The following CCDC171 variants were observed in gnomAD, a reference collection of about 807,000 sequenced individuals.
The protein encoded by CCDC171 is coiled-coil domain-containing protein 171.
CCDC171 carries 177 observed loss-of-function variants against 168.2 expected under a neutral mutation model. The ratio of observed to expected loss-of-function variants is 1.05; its 90% CI spans 0.93 to 1.19. The LOEUF (loss-of-function observed/expected upper bound fraction) is 1.19, where lower values mean the gene tolerates loss of function less well. Among genes scored for constraint, CCDC171 ranks in the 50% most tolerant of loss-of-function variants. The pLI is 0.00. For missense variants in CCDC171, 1,991 were observed against 1,539.0 expected (o/e 1.29, Z -4.91); for synonymous variants, 687 against 540.8 (o/e 1.27, Z -3.75).
chr9:16,075,880 T>C, the CCDC171 span, among the ~76,000 whole-genome samples: 42,409 of 150,586 alleles, frequency 0.28, 6,687 homozygotes, highest in African/African-American at 0.43. Flanking sequence ...CAGCACAGCA[T>C]AGCATAGCAT....
intron 16 of CCDC171, among the ~76,000 whole-genome samples, chr9:15,736,928 A>G (rs140062029): frequency 7.4e-4 from 112 of 152,252 alleles, no homozygotes; most frequent in African/African-American, 2.5e-3. Flanking sequence ...TGCTGGGATT[A>G]CAGGTGTGAA....
intron 6 of CCDC171, among the ~76,000 whole-genome samples, chr9:15,601,836 T>C (rs1405815073): frequency 6.6e-6 from 1 of 152,182 alleles, no homozygotes; most frequent in Admixed American, 6.5e-5. Context: ...TTCTAAACAC[T>C]CAGCCAGAGG....
chr9:15,618,299 C>A (rs1002004657), intron 6 of CCDC171, among the ~76,000 whole-genome samples: 3 of 152,190 alleles, frequency 2.0e-5, no homozygotes, highest in African/African-American at 2.4e-5. Context: ...GTCCAAACCT[C>A]CCAGTCTCCT....
intron 11 of CCDC171, among the ~76,000 whole-genome samples, chr9:15,718,239 G>T (rs2134138859): frequency 6.6e-6 from 1 of 152,248 alleles, no homozygotes; most frequent in Non-Finnish European, 1.5e-5. Context: ...CAGGGGGAGA[G>T]ACTCCTCTGC....
At chr9:15,809,518 T>C (rs550204682) in intron 21 of CCDC171, among the ~76,000 whole-genome samples, 8 of 152,232 alleles carry the variant, frequency 5.3e-5, no homozygotes, top group African/African-American at 1.7e-4. Flanking sequence ...TTGGAGTTCT[T>C]TTCCTTCTGG....
At chr9:15,682,492 A>C (rs2050106981) in intron 10 of CCDC171, among the ~76,000 whole-genome samples, 1 of 152,042 alleles carries the variant, frequency 6.6e-6, no homozygotes, top group South Asian at 2.1e-4. Context: ...AATTGTATTA[A>C]TACATATTTA....
intron 25 of CCDC171, among the ~76,000 whole-genome samples, chr9:15,941,171 A>G (rs1446181061): frequency 6.6e-6 from 1 of 151,992 alleles, no homozygotes; most frequent in Non-Finnish European, 1.5e-5. Flanking sequence ...CAGTAATAGC[A>G]TATGTTTCAG....
chr9:15,760,242 C>G (rs1049133836), intron 18 of CCDC171, among the ~76,000 whole-genome samples: 2 of 152,014 alleles, frequency 1.3e-5, no homozygotes, highest in Non-Finnish European at 2.9e-5. Flanking sequence ...TGCATGTATG[C>G]CAGTACTAAG....
At chr9:15,875,978 A>G (rs987842701) in intron 24 of CCDC171, 2 of 152,012 alleles carry the variant, frequency 1.3e-5, no homozygotes, top group Admixed American at 1.3e-4. Context: ...CTGATTTGAG[A>G]TTTTTCTAGT....
chr9:15,625,967 A>G (rs995678063), intron 7 of CCDC171, among the ~76,000 whole-genome samples: 2 of 152,114 alleles, frequency 1.3e-5, no homozygotes, highest in Non-Finnish European at 2.9e-5. Flanking sequence ...ATGTTCTTCC[A>G]TTTGTTTGTG....
intron 24 of CCDC171, among the ~76,000 whole-genome samples, chr9:15,919,099 G>T (rs1445228854): frequency 6.6e-6 from 1 of 151,636 alleles, no homozygotes; most frequent in Non-Finnish European, 1.5e-5. Flanking sequence ...AAGCAGGCAT[G>T]AAGGATCCAC....
chr9:15,692,617 C>A (rs1311844407), intron 10 of CCDC171, among the ~76,000 whole-genome samples: 3 of 150,828 alleles, frequency 2.0e-5, no homozygotes, highest in African/African-American at 4.9e-5. Flanking sequence ...AAGCTCCGCC[C>A]CCTGGGTTCA....
In CCDC171 at chr9:15,925,514, C is replaced by T. The variant is rs140932869; in HGVS notation, c.3753+5092C>T. 1.6e-4 allele frequency among the ~76,000 whole-genome samples: 25 copies of T among 151,518 alleles called. 1 individual carries two copies. Among genetic ancestry groups the T allele is most frequent in the African/African-American group, 5.6e-4 (23 of 41,398 alleles). Reference sequence around the variant, plus strand: ...TTTCCTAAGAGCAAAGGAAAACTCACTGAAAAATTTTAAAGGAGGAATGAG... The same window carrying T: ...TTTCCTAAGAGCAAAGGAAAACTCATTGAAAAATTTTAAAGGAGGAATGAG... On this transcript the variant is annotated intron_variant, in intron 25 of 25. Transcript: ENST00000380701.
intron 3 of CCDC171, among the ~76,000 whole-genome samples, chr9:15,981,451 C>A (rs1001658194): frequency 5.9e-5 from 9 of 152,136 alleles, no homozygotes; most frequent in African/African-American, 2.2e-4. Context: ...CTTAAGCAAC[C>A]CAGTCTGTGG....
chr9:15,700,393 G>A (rs7033236), intron 11 of CCDC171, among the ~76,000 whole-genome samples: 68,701 of 152,096 alleles, frequency 0.45, 16,279 homozygotes, highest in East Asian at 0.78. Context: ...CAAGCGCTGC[G>A]CGCAGCCCCG....
At position 15,831,333 on chromosome 9, in the gene CCDC171, A is replaced by G. The variant is rs117524073; in HGVS notation, c.3268-15369A>G. ...TGCTTAAAAAAAGTTAGCAACTTCA[A>G]AGATAAAATGCAAACAAAGCTAAAA... On this transcript the variant is annotated intron_variant, in intron 21 of 25. Transcript: ENST00000380701. 8.5e-5 allele frequency among the ~76,000 whole-genome samples: 13 copies of G among 152,314 alleles called. No individual in the cohort carries two copies. In the East Asian group the frequency reaches 2.5e-3, roughly 29 times the overall value.
At position 15,629,457 on chromosome 9, in the gene CCDC171, C is replaced by T. The variant is rs4741522; in HGVS notation, c.822+6044C>T. Among the ~76,000 whole-genome samples, 14 of 151,928 alleles carry T rather than the reference C, an allele frequency of 9.2e-5. No individual in the cohort carries two copies. The East Asian group carries it at 2.7e-3, about 29-fold the overall frequency. On this transcript the variant is annotated intron_variant, in intron 7 of 25. Transcript: ENST00000380701. ...TGAAGATCAAATGAATGAAATGAAG[C>T]AAGAAGGGAAGTTTAGAGAAAAAAG... is the stretch of plus-strand genomic sequence containing the variant.
At chr9:15,576,082 A>G (rs1189120817) in intron 3 of CCDC171, among the ~76,000 whole-genome samples, 3 of 121,728 alleles carry the variant, frequency 2.5e-5, no homozygotes, top group Non-Finnish European at 5.1e-5. Flanking sequence ...ACAGAGCGAG[A>G]CTCTGTCTCA....
intron 21 of CCDC171, among the ~76,000 whole-genome samples, chr9:15,821,862 G>A (rs1242942055): frequency 1.8e-5 from 1 of 54,512 alleles, no homozygotes; most frequent in Non-Finnish European, 4.5e-5. Flanking sequence ...CCAAAAAAGA[G>A]CCCGCATCGC....
Sources: gnomAD v4.1 joint callset for allele counts (sites outside exome capture counted in the v4.1 genomes callset) on GRCh38, gnomAD v4.1.1 for gene constraint, MANE v1.5 for transcripts, NCBI Gene and HGNC (gene_info 2026-07-23, HGNC 2026-07-21) for gene names.